The following LYZ variants were observed in gnomAD, a reference collection of about 807,000 sequenced individuals.
The protein encoded by LYZ is lysozyme C.
Under a neutral mutation model 15.8 loss-of-function variants are expected in LYZ, and 18 were observed. That is an observed-to-expected ratio of 1.14 (90% CI 0.79 to 1.69). The LOEUF is 1.69. LYZ is among the 40% of genes most tolerant of loss of function. The pLI, the probability that LYZ is intolerant of heterozygous loss-of-function variation, is 0.00. For synonymous variants in LYZ, 60 were observed against 61.7 expected (o/e 0.97, Z 0.13); for missense variants, 139 against 182.8 (o/e 0.76, Z 1.38).
At position 69,350,149 on chromosome 12, in the gene LYZ, G is replaced by A. The variant is rs181359106; in HGVS notation, c.178G>A (p.Ala60Thr). The A allele has an allele frequency of 6.2e-6, 10 of 1,614,082 alleles. No homozygotes were observed. The East Asian group carries it at 1.8e-4, about 29-fold the overall frequency. Residue 60 changes from alanine to threonine, a missense_variant, in exon 2 of 4, where the codon GCT becomes ACT. Coordinates refer to ENST00000261267, the MANE Select transcript of LYZ (RefSeq NM_000239.3). ...ATGGGAGAGTGGTTACAACACACGAGCTACAAACTACAATGCTGGAGACAG... is the reference window on the plus strand; with the variant it reads ...ATGGGAGAGTGGTTACAACACACGAACTACAAACTACAATGCTGGAGACAG... Reference protein sequence around the residue: ...AKWESGYNTRATNYNAGDRST... With the variant: ...AKWESGYNTRTTNYNAGDRST...
intron 3 of LYZ, 122 bp from the exon 4 acceptor site, chr12:69,353,031 G>A: frequency 1.3e-6 from 1 of 757,728 alleles, no homozygotes; most frequent in Non-Finnish European, 2.4e-6. Context: ...AGCAATAGCT[G>A]GGTCTATCTT....
chr12:69,348,401 C>A lies in LYZ; in HGVS notation c.-8C>A. ...TGGTCAGCCTAGCACTCTGACCTAG[C>A]AGTCAACATGAAGGCTCTCATTGTT... On this transcript the variant is annotated 5_prime_UTR_variant, in exon 1 of 4. Coordinates refer to ENST00000261267, the MANE Select transcript of LYZ (RefSeq NM_000239.3). 1 of 1,614,086 alleles carries A rather than the reference C, an allele frequency of 6.2e-7. No homozygotes were observed. The highest frequency in any genetic ancestry group is 8.5e-7 in the Non-Finnish European group (1 of 1,180,008).
Position 69,348,485 on chromosome 12 carries a change from T to A in LYZ, c.77T>A (p.Leu26Ter), listed in dbSNP as rs1362284363. The A allele has an allele frequency of 6.2e-7, 1 of 1,614,180 alleles. No individual in the cohort carries two copies. Among genetic ancestry groups the A allele is most frequent in the Admixed American group, 1.7e-5 (1 of 60,024 alleles). The change falls in exon 1 of 4, where the codon TTG becomes TAG. Residue 26 changes from leucine (L) to a stop codon, truncating the protein, a stop_gained. Coordinates refer to ENST00000261267, the MANE Select transcript of LYZ (RefSeq NM_000239.3). LOFTEE classifies it high-confidence loss of function. The part of the protein sequence containing the change: ...VQGKVFERCE[L>*]ARTLKRLGMD... ...GGCAAGGTCTTTGAAAGGTGTGAGT[T>A]GGCCAGAACTCTGAAAAGATTGGGA...
At position 69,353,497 on chromosome 12, in the gene LYZ, C is replaced by CTTTTTTTTTATTT. The variant is rs1874891212; in HGVS notation, c.*287_*288insATTTTTTTTTTTT. On this transcript the variant is annotated 3_prime_UTR_variant, in exon 4 of 4. Coordinates refer to ENST00000261267, the MANE Select transcript of LYZ (RefSeq NM_000239.3). Reference sequence around the variant, plus strand: ...AAATACATCTCCAGTACATTCCGTTCTTTTTTTTTTTGAGACAGTCTCGCT... The same window carrying CTTTTTTTTTATTT: ...AAATACATCTCCAGTACATTCCGTTCTTTTTTTTTATTTTTTTTTTTTTTGAGACAGTCTCGCT... 1 of 252,662 alleles carries CTTTTTTTTTATTT rather than the reference C, an allele frequency of 4.0e-6. No individual in the cohort carries two copies. Among genetic ancestry groups the CTTTTTTTTTATTT allele is most frequent in the Admixed American group, 6.0e-5 (1 of 16,592 alleles). The allele number at this position is 252,662 out of a possible 1,614,324, so 15.7% of individuals were successfully genotyped here. A position where few individuals can be genotyped will look rare whatever the true frequency, so the allele number is the denominator to read the frequency against.
chr12:69,350,737 C>T (rs1874825002), intron 2 of LYZ, among the ~76,000 whole-genome samples: 1 of 26,014 alleles, frequency 3.8e-5, no homozygotes, highest in Non-Finnish European at 8.3e-5. Context: ...TCTTCTATGC[C>T]TTTTTTTTTT....
intron 1 of LYZ, 79 bp downstream of exon 1, chr12:69,348,623 G>GTGTGGTGAGGCATTGTTAGTTTTGTTAAA: frequency 6.6e-7 from 1 of 1,523,662 alleles, no homozygotes. Flanking sequence ...AGAAGAAGGG[G>GTGTGGTGAGGCATTGTTAGTTTTGTTAAA]CTTTGAGTGA....
chr12:69,348,903 C>T (rs1364969218), intron 1 of LYZ, among the ~76,000 whole-genome samples: 1 of 152,118 alleles, frequency 6.6e-6, no homozygotes, highest in Non-Finnish European at 1.5e-5. Context: ...CCAGTTATTT[C>T]CCATTTTGAA....
rs371620230 is a variant in LYZ at position 69,353,497 on chromosome 12, C to G, written c.*278C>G. ...AAATACATCTCCAGTACATTCCGTTCTTTTTTTTTTTGAGACAGTCTCGCT... is the reference window on the plus strand; with the variant it reads ...AAATACATCTCCAGTACATTCCGTTGTTTTTTTTTTTGAGACAGTCTCGCT... On this transcript the variant is annotated 3_prime_UTR_variant, in exon 4 of 4. Coordinates refer to ENST00000261267, the MANE Select transcript of LYZ (RefSeq NM_000239.3). The G allele has an allele frequency of 9.8e-6, 3 of 304,702 alleles. No individual in the cohort carries two copies. The highest frequency in any genetic ancestry group is 1.8e-5 in the Non-Finnish European group (3 of 168,872). 18.9% of individuals were successfully genotyped at this position (304,702 alleles called of 1,614,324 possible).
Position 69,353,236 on chromosome 12 carries a change from C to G in LYZ, c.*17C>G, listed in dbSNP as rs777499003. On this transcript the variant is annotated 3_prime_UTR_variant, in exon 4 of 4. Coordinates refer to ENST00000261267, the MANE Select transcript of LYZ (RefSeq NM_000239.3). The stretch of plus-strand genomic sequence containing the variant: ...GGAGTGTAACTCCAGAATTTTCCTT[C>G]TTCAGCTCATTTTGTCTCTCTCACA... 11 of 1,602,372 alleles carry G rather than the reference C, an allele frequency of 6.9e-6. No homozygotes were observed. The East Asian group carries it at 2.5e-4, about 36-fold the overall frequency.
intron 2 of LYZ, among the ~76,000 whole-genome samples, chr12:69,351,008 C>A (rs1874833934): frequency 6.6e-6 from 1 of 151,880 alleles, no homozygotes; most frequent in South Asian, 2.1e-4. Context: ...TGAGTTCAAG[C>A]AATCTTCCCA....
chr12:69,353,071 T>G, intron 3 of LYZ, 82 bp from the exon 4 acceptor site: 1 of 924,694 alleles, frequency 1.1e-6, no homozygotes, highest in Admixed American at 1.7e-5. Flanking sequence ...AAATATTTTG[T>G]TTCCCCAAGG....
At chr12:69,350,055 G>A in intron 1 of LYZ, 53 bp from the exon 2 acceptor site, 1 of 1,477,442 alleles carries the variant, frequency 6.8e-7, no homozygotes, top group Non-Finnish European at 9.5e-7. Context: ...TTTTGCTATA[G>A]AGTATAAGTC....
rs710794 is a variant in LYZ at position 69,353,397 on chromosome 12, C to T, written c.*178C>T. 0.87 allele frequency: 583,474 copies of T among 670,562 alleles called. 254,579 individuals carry two copies. The highest frequency in any genetic ancestry group is 0.97 in the African/African-American group (54,001 of 55,778). The allele number at this position is 670,562 out of a possible 1,614,324, so 41.5% of individuals were successfully genotyped here. A position where few individuals can be genotyped will look rare whatever the true frequency, so the allele number is the denominator to read the frequency against. On this transcript the variant is annotated 3_prime_UTR_variant, in exon 4 of 4. Transcript: ENST00000261267. ...AATGTTCACTAATGTGGTTATTTTA[C>T]ATTAAGCCTACAACATTTTTCAGTT...
intron 1 of LYZ, among the ~76,000 whole-genome samples, chr12:69,349,687 A>C (rs1007438682): frequency 2.0e-5 from 3 of 152,206 alleles, no homozygotes; most frequent in African/African-American, 7.2e-5. Flanking sequence ...TATTATAAGA[A>C]AATTTCTATC....
chr12:69,351,155 T>C (rs1192572507), intron 2 of LYZ, among the ~76,000 whole-genome samples: 1 of 152,172 alleles, frequency 6.6e-6, no homozygotes, highest in Non-Finnish European at 1.5e-5. Flanking sequence ...AAAAATACAG[T>C]TCCTGTAGAA....
chr12:69,352,744 A>C (rs1159477185), intron 3 of LYZ, among the ~76,000 whole-genome samples: 1 of 152,154 alleles, frequency 6.6e-6, no homozygotes, highest in African/African-American at 2.4e-5. Context: ...GTGTGGTGGC[A>C]GGTGCCTGTA....
intron 2 of LYZ, among the ~76,000 whole-genome samples, chr12:69,351,185 ATTAAC>A (rs2120830277): frequency 6.6e-6 from 1 of 152,276 alleles, no homozygotes; most frequent in Non-Finnish European, 1.5e-5. Context: ...TAAATAACAA[ATTAAC>A]TTAAGGATTT....
rs1874888303 is a variant in LYZ at position 69,353,433 on chromosome 12, A to G, written c.*214A>G. On this transcript the variant is annotated 3_prime_UTR_variant, in exon 4 of 4. Coordinates refer to ENST00000261267, the MANE Select transcript of LYZ (RefSeq NM_000239.3). ...CAACATTTTTCAGTTTGCAAATAGA[A>G]CTAATACTGGTGAAAATTTACCTAA... 3.3e-6 allele frequency: 2 copies of G among 613,630 alleles called. No individual in the cohort carries two copies. Among genetic ancestry groups the G allele is most frequent in the Admixed American group, 2.7e-5 (1 of 36,806 alleles). The allele number at this position is 613,630 out of a possible 1,614,324, so 38.0% of individuals were successfully genotyped here.
rs183654112 is a variant in LYZ at position 69,349,625 on chromosome 12, G to A, written c.137-483G>A. 1.6e-4 allele frequency among the ~76,000 whole-genome samples: 24 copies of A among 152,214 alleles called. No homozygotes were observed. In the East Asian group the frequency reaches 3.7e-3, roughly 23 times the overall value. On this transcript the variant is annotated intron_variant, in intron 1 of 3. Transcript: ENST00000261267. ...TGAATGAGTGAAGGGATGAAATCAC[G>A]GAATAGTCTTGTTTTCAAGATTCTA...
Sources: allele counts gnomAD v4.1 joint callset (sites outside exome capture counted in the v4.1 genomes callset), GRCh38; gene constraint gnomAD v4.1.1; transcripts MANE v1.5; gene names NCBI Gene and HGNC (gene_info 2026-07-23, HGNC 2026-07-21).